PLCB4: variants seen among roughly 807,000 people sequenced by gnomAD.
The protein encoded by PLCB4 is 1-phosphatidylinositol 4,5-bisphosphate phosphodiesterase beta-4.
PLCB4 carries 77 observed loss-of-function variants against 178.8 expected under a neutral mutation model. The ratio of observed to expected loss-of-function variants is 0.43; its 90% CI spans 0.36 to 0.52. PLCB4 has a LOEUF of 0.52. Among genes scored for constraint, PLCB4 ranks in the 20% least tolerant of loss-of-function variants. The pLI is 0.00. For missense variants in PLCB4, 1,024 were observed against 1,453.4 expected, an observed-to-expected ratio of 0.70 and a Z score of 4.80; for synonymous variants, 496 against 490.8, an observed-to-expected ratio of 1.01 and a Z score of -0.14.
intron 2 of PLCB4, among the ~76,000 whole-genome samples, chr20:9,103,804 G>A (rs781365515): frequency 6.6e-6 from 1 of 152,064 alleles, no homozygotes; most frequent in Non-Finnish European, 1.5e-5. Context: ...CTTATTCAGA[G>A]AAATAACTAA....
chr20:9,281,105 G>GA (rs1021376652), intron 3 of PLCB4, among the ~76,000 whole-genome samples: 3 of 151,952 alleles, frequency 2.0e-5, no homozygotes, highest in African/African-American at 2.4e-5. Context: ...AGAGAGAGCA[G>GA]AATTTCTTAA....
intron 4 of PLCB4, among the ~76,000 whole-genome samples, chr20:9,329,185 G>T: frequency 6.6e-6 from 1 of 152,164 alleles, no homozygotes; most frequent in East Asian, 1.9e-4. Flanking sequence ...TTCTCTTGGC[G>T]CAGCTGCCAG....
chr20:9,261,588 A>G (rs2094298170), intron 3 of PLCB4, among the ~76,000 whole-genome samples: 1 of 152,214 alleles, frequency 6.6e-6, no homozygotes, highest in South Asian at 2.1e-4. Flanking sequence ...AAGAGTTTAA[A>G]TTGGGAATGA....
At chr20:9,209,895 C>T (rs1314124343) in intron 2 of PLCB4, among the ~76,000 whole-genome samples, 1 of 139,142 alleles carries the variant, frequency 7.2e-6, no homozygotes, top group African/African-American at 2.7e-5. Context: ...ACCCGGGAGG[C>T]GAAGCTTGCA....
At chr20:9,426,017 G>A (rs1312489477) in intron 28 of PLCB4, among the ~76,000 whole-genome samples, 1 of 151,984 alleles carries the variant, frequency 6.6e-6, no homozygotes, top group African/African-American at 2.4e-5. Context: ...GAAATCTATA[G>A]AGTCTGTGTT....
intron 4 of PLCB4, among the ~76,000 whole-genome samples, chr20:9,331,539 A>T (rs1416256007): frequency 6.6e-6 from 1 of 152,150 alleles, no homozygotes; most frequent in East Asian, 1.9e-4. Context: ...ATCCCCATCC[A>T]AGGAATTTCT....
chr20:9,449,054 G>A (rs1216341340), intron 32 of PLCB4, among the ~76,000 whole-genome samples: 1 of 152,128 alleles, frequency 6.6e-6, no homozygotes. Flanking sequence ...CCCTCTGAAT[G>A]TACTGGCAAT....
chr20:9,442,774 G>A (rs2042186519), intron 30 of PLCB4, among the ~76,000 whole-genome samples: 1 of 152,108 alleles, frequency 6.6e-6, no homozygotes, highest in Non-Finnish European at 1.5e-5. Flanking sequence ...GAGCCCCATG[G>A]ACCCTTTATA....
chr20:9,226,950 T>C (rs1016329021), intron 3 of PLCB4, among the ~76,000 whole-genome samples: 3 of 152,164 alleles, frequency 2.0e-5, no homozygotes, highest in African/African-American at 7.2e-5. Context: ...CTTTCCATCC[T>C]CACCAACACT....
chr20:9,154,291 A>T (rs943305471), intron 2 of PLCB4, among the ~76,000 whole-genome samples: 1 of 152,210 alleles, frequency 6.6e-6, no homozygotes, highest in Non-Finnish European at 1.5e-5. Context: ...ATCTCAGTGC[A>T]GGAGAGCCTG....
chr20:9,365,757 A>G (rs142008118), intron 9 of PLCB4, among the ~76,000 whole-genome samples: 160 of 152,356 alleles, frequency 1.1e-3, no homozygotes, highest in African/African-American at 3.6e-3. Flanking sequence ...AAAGAACATC[A>G]GAAAATGTAG....
intron 38 of PLCB4, among the ~76,000 whole-genome samples, chr20:9,475,496 C>T (rs2044482193): frequency 6.6e-6 from 1 of 152,068 alleles, no homozygotes; most frequent in African/African-American, 2.4e-5. Context: ...AGGTCTACCA[C>T]CCACAACTGA....
intron 3 of PLCB4, among the ~76,000 whole-genome samples, chr20:9,283,584 A>G (rs1444066312): frequency 6.6e-6 from 1 of 151,928 alleles, no homozygotes; most frequent in Non-Finnish European, 1.5e-5. Flanking sequence ...AGCTTTCTCC[A>G]GGAGGCCTTT....
intron 3 of PLCB4, among the ~76,000 whole-genome samples, chr20:9,303,076 CTAACACT>C (rs2094724365): frequency 6.6e-6 from 1 of 152,054 alleles, no homozygotes; most frequent in Non-Finnish European, 1.5e-5. Context: ...ATTTTTCAAG[CTAACACT>C]TAGCTCCCTG....
At chr20:9,302,860 T>A (rs531283728) in intron 3 of PLCB4, among the ~76,000 whole-genome samples, 101 of 152,236 alleles carry the variant, frequency 6.6e-4, no homozygotes, top group Middle Eastern at 6.8e-3. Flanking sequence ...AAAGCTTTTT[T>A]TTTTTATTTT....
intron 3 of PLCB4, among the ~76,000 whole-genome samples, chr20:9,290,373 C>G (rs1454439356): frequency 6.6e-6 from 1 of 152,078 alleles, no homozygotes; most frequent in African/African-American, 2.4e-5. Flanking sequence ...AAGAAATTTG[C>G]TAAAATGAAA....
intron 2 of PLCB4, among the ~76,000 whole-genome samples, chr20:9,182,013 T>C (rs1457548523): frequency 6.6e-6 from 1 of 152,210 alleles, no homozygotes; most frequent in African/African-American, 2.4e-5. Flanking sequence ...GCAACAGTCA[T>C]GAGAGTGGGA....
intron 30 of PLCB4, among the ~76,000 whole-genome samples, chr20:9,443,614 A>G (rs1447713479): frequency 6.6e-6 from 1 of 152,084 alleles, no homozygotes; most frequent in Non-Finnish European, 1.5e-5. Flanking sequence ...TGTACTGAAG[A>G]GCTCCCTGCA....
intron 3 of PLCB4, among the ~76,000 whole-genome samples, chr20:9,296,288 C>G (rs2094633765): frequency 6.6e-6 from 1 of 152,150 alleles, no homozygotes; most frequent in African/African-American, 2.4e-5. Context: ...CAGAGAAATG[C>G]AAATCAAAAC....
Sources: gnomAD v4.1 joint callset for allele counts (sites outside exome capture counted in the v4.1 genomes callset) on GRCh38, gnomAD v4.1.1 for gene constraint, MANE v1.5 for transcripts, NCBI Gene and HGNC (gene_info 2026-07-23, HGNC 2026-07-21) for gene names.